The following SYN3 variants were observed in gnomAD, a reference collection of about 807,000 sequenced individuals.
The protein encoded by SYN3 is synapsin-3.
SYN3 carries 35 observed loss-of-function variants against 65.8 expected under a neutral mutation model. The ratio of observed to expected loss-of-function variants is 0.53; its 90% CI spans 0.41 to 0.70. The LOEUF is 0.70. SYN3 is among the 30% of genes least tolerant of loss of function. SYN3 has a pLI of 0.00. For missense variants in SYN3, 680 were observed against 749.0 expected, an observed-to-expected ratio of 0.91 and a Z score of 1.08; for synonymous variants, 270 against 292.9, an observed-to-expected ratio of 0.92 and a Z score of 0.80.
intron 6 of SYN3, among the ~76,000 whole-genome samples, chr22:32,797,075 A>C (rs911328626): frequency 6.6e-6 from 1 of 152,092 alleles, no homozygotes; most frequent in African/African-American, 2.4e-5. Context: ...CACCCCACCG[A>C]TGAGTGTGGA....
At chr22:32,525,223 G>C (rs981578295) in intron 12 of SYN3, among the ~76,000 whole-genome samples, 4 of 152,180 alleles carry the variant, frequency 2.6e-5, no homozygotes, top group Non-Finnish European at 5.9e-5. Context: ...ACTGTGAGGG[G>C]TTCAAAACTT....
chr22:32,608,044 C>G (rs1268317832), intron 6 of SYN3, among the ~76,000 whole-genome samples: 3 of 152,192 alleles, frequency 2.0e-5, no homozygotes, highest in African/African-American at 7.2e-5. Flanking sequence ...CACCCCTTTC[C>G]AAGTCAGATG....
intron 6 of SYN3, among the ~76,000 whole-genome samples, chr22:32,630,957 A>G (rs1050203566): frequency 2.0e-5 from 3 of 152,206 alleles, no homozygotes; most frequent in African/African-American, 7.2e-5. Context: ...AGCAACTCGG[A>G]TTCCAACCCT....
intron 7 of SYN3, among the ~76,000 whole-genome samples, chr22:32,561,319 G>A (rs1007628005): frequency 2.6e-5 from 4 of 152,180 alleles, no homozygotes; most frequent in African/African-American, 7.2e-5. Flanking sequence ...ACTTCATGGT[G>A]TTTAGGCCAG....
intron 2 of SYN3, among the ~76,000 whole-genome samples, chr22:32,990,219 C>T (rs2052654902): frequency 2.6e-5 from 4 of 152,096 alleles, no homozygotes; most frequent in African/African-American, 9.7e-5. Context: ...GTGCAGAGCA[C>T]CAAAAGAGAG....
intron 7 of SYN3, among the ~76,000 whole-genome samples, chr22:32,571,058 A>G (rs1040809806): frequency 6.6e-6 from 1 of 152,204 alleles, no homozygotes; most frequent in African/African-American, 2.4e-5. Context: ...TGTTGGCTAA[A>G]TAACAGAATG....
At chr22:32,980,980 G>T (rs148540733) in intron 2 of SYN3, among the ~76,000 whole-genome samples, 3 of 151,532 alleles carry the variant, frequency 2.0e-5, no homozygotes, top group Non-Finnish European at 4.4e-5. Context: ...TCAGCCTCCC[G>T]AGTAGCTGGG....
intron 6 of SYN3, among the ~76,000 whole-genome samples, chr22:32,656,462 C>T (rs2060143499): frequency 6.6e-6 from 1 of 152,142 alleles, no homozygotes; most frequent in East Asian, 1.9e-4. Context: ...AAACATGATG[C>T]AGAAAGAGCT....
intron 1 of SYN3, among the ~76,000 whole-genome samples, chr22:33,040,572 T>C (rs2053945696): frequency 6.6e-6 from 1 of 152,200 alleles, no homozygotes; most frequent in Admixed American, 6.5e-5. Flanking sequence ...TCGATATATG[T>C]CTGATATGGT....
chr22:32,645,833 G>A (rs530352431), intron 6 of SYN3, among the ~76,000 whole-genome samples: 17 of 147,842 alleles, frequency 1.1e-4, no homozygotes, highest in Middle Eastern at 3.4e-3. Flanking sequence ...CCTCTGAGAT[G>A]AGACAAGAAT....
intron 6 of SYN3, among the ~76,000 whole-genome samples, chr22:32,722,756 C>A (rs968230246): frequency 3.9e-5 from 6 of 152,216 alleles, no homozygotes; most frequent in African/African-American, 1.4e-4. Flanking sequence ...CAAACCCTAT[C>A]TCTAGGCTAG....
intron 6 of SYN3, among the ~76,000 whole-genome samples, chr22:32,638,277 G>A (rs929976428): frequency 4.6e-5 from 7 of 152,136 alleles, no homozygotes; most frequent in African/African-American, 7.2e-5. Flanking sequence ...CAATGAACAC[G>A]TGAGTGCATG....
At chr22:32,864,294 A>C (rs560980601) in intron 6 of SYN3, among the ~76,000 whole-genome samples, 1 of 152,230 alleles carries the variant, frequency 6.6e-6, no homozygotes, top group South Asian at 2.1e-4. Flanking sequence ...TGCTGCTTAG[A>C]GCTCCTCCCC....
intron 12 of SYN3, among the ~76,000 whole-genome samples, chr22:32,526,286 T>A (rs1391508061): frequency 6.6e-6 from 1 of 152,164 alleles, no homozygotes; most frequent in Non-Finnish European, 1.5e-5. Flanking sequence ...TGTACAATTA[T>A]ACAATTTCCC....
At chr22:32,898,208 C>T (rs1280200932) in intron 4 of SYN3, among the ~76,000 whole-genome samples, 3 of 152,240 alleles carry the variant, frequency 2.0e-5, no homozygotes, top group South Asian at 2.1e-4. Context: ...GTTGGTCAGG[C>T]GGGTCTCGAA....
chr22:32,659,421 AC>A (rs2060186565), intron 6 of SYN3, among the ~76,000 whole-genome samples: 1 of 152,140 alleles, frequency 6.6e-6, no homozygotes, highest in Non-Finnish European at 1.5e-5. Flanking sequence ...CTGGAGCTCA[AC>A]TTCAGAACAT....
At chr22:32,641,544 T>C (rs562653914) in intron 6 of SYN3, among the ~76,000 whole-genome samples, 1 of 146,182 alleles carries the variant, frequency 6.8e-6, no homozygotes, top group Non-Finnish European at 1.5e-5. Context: ...GGAGGCAGAG[T>C]TTGCAGTGAG....
chr22:32,703,653 A>AAG (rs1297823676), intron 6 of SYN3, among the ~76,000 whole-genome samples: 1 of 151,406 alleles, frequency 6.6e-6, no homozygotes, highest in Non-Finnish European at 1.5e-5. Context: ...AAAAAAAAAA[A>AAG]AGAGAGAGAG....
intron 6 of SYN3, among the ~76,000 whole-genome samples, chr22:32,863,828 A>T (rs1035784917): frequency 1.6e-4 from 25 of 152,196 alleles, no homozygotes; most frequent in Non-Finnish European, 2.4e-4. Context: ...CAGAACTGGC[A>T]TTCAAATTCA....
Sources: gnomAD v4.1 joint callset for allele counts (sites outside exome capture counted in the v4.1 genomes callset) on GRCh38, gnomAD v4.1.1 for gene constraint, MANE v1.5 for transcripts, NCBI Gene and HGNC (gene_info 2026-07-23, HGNC 2026-07-21) for gene names.